Variants in RFTN1 observed in about 807,000 individuals in gnomAD.
RFTN1 encodes the protein raftlin, lipid raft linker 1, also known as raftlin.
In RFTN1, 26 loss-of-function variants were observed where a neutral mutation model predicts 46.5. That is an observed-to-expected ratio of 0.56 (90% CI 0.41 to 0.78). The LOEUF is 0.78. Among genes scored for constraint, RFTN1 ranks in the 30% least tolerant of loss-of-function variants. The pLI is 0.00. For synonymous variants in RFTN1, 261 were observed against 284.2 expected (o/e 0.92, Z 0.82); for missense variants, 693 against 718.7 (o/e 0.96, Z 0.41).
intron 2 of RFTN1, among the ~76,000 whole-genome samples, chr3:16,445,523 C>G (rs1262639409): frequency 2.5e-5 from 2 of 78,776 alleles, no homozygotes; most frequent in African/African-American, 5.2e-5. Flanking sequence ...ACACACACAG[C>G]TCTCTACCAG....
chr3:16,479,618 CT>C lies in RFTN1; in HGVS notation c.145+14106del, dbSNP rs2076333704. On this transcript the variant is annotated intron_variant, in intron 2 of 9. Transcript: ENST00000334133. The surrounding 1 kb of genome is among the most constrained non-coding windows in gnomAD (Gnocchi z 5.1). ...TTCTCACCAAGCAAGCCATGATGGA[CT>C]GAAGACCGGTGAGCCCATGCTCAGG... Among the ~76,000 whole-genome samples, 1 of 152,228 alleles carries C rather than the reference CT, an allele frequency of 6.6e-6. No homozygotes were observed. The highest frequency in any genetic ancestry group is 1.5e-5 in the Non-Finnish European group (1 of 68,032).
rs1354827572 is a variant in RFTN1, at chr3:16,473,546, A to G, written c.145+20179T>C. On this transcript the variant is annotated intron_variant, in intron 2 of 9. Coordinates refer to ENST00000334133, the MANE Select transcript of RFTN1 (RefSeq NM_015150.2). This position sits in a 1 kb window ranked among gnomAD's most constrained non-coding sequence, Gnocchi z 5.3. ...CTCCCAAGGAGCTGGGACTACAGGCATGCACCGCCCTGCCTGGCTAATTTT... is the reference window on the plus strand; with the variant it reads ...CTCCCAAGGAGCTGGGACTACAGGCGTGCACCGCCCTGCCTGGCTAATTTT... 2.6e-5 allele frequency among the ~76,000 whole-genome samples: 4 copies of G among 151,752 alleles called. No homozygotes were observed. Among genetic ancestry groups the G allele is most frequent in the African/African-American group, 9.7e-5 (4 of 41,302 alleles).
At chr3:16,397,375 G>A (rs898196878) in intron 4 of RFTN1, among the ~76,000 whole-genome samples, 3 of 152,178 alleles carry the variant, frequency 2.0e-5, no homozygotes, top group Non-Finnish European at 4.4e-5. Context: ...AGGTCAAAGG[G>A]TACGAAATTG....
At chr3:16,502,319 C>T (rs760242470) in intron 1 of RFTN1, among the ~76,000 whole-genome samples, 1 of 151,712 alleles carries the variant, frequency 6.6e-6, no homozygotes, top group Non-Finnish European at 1.5e-5. Flanking sequence ...CATGATCTCG[C>T]CACTGCATGA....
At chr3:16,439,805 C>A (rs1246601910) in intron 2 of RFTN1, among the ~76,000 whole-genome samples, 1 of 152,152 alleles carries the variant, frequency 6.6e-6, no homozygotes, top group Non-Finnish European at 1.5e-5. Flanking sequence ...GCTAACTGTC[C>A]TCTGGGGGAG....
chr3:16,324,687 T>TG (rs2069514323), intron 8 of RFTN1, among the ~76,000 whole-genome samples: 1 of 118,220 alleles, frequency 8.5e-6, no homozygotes, highest in Admixed American at 8.7e-5. Flanking sequence ...TGTGTGTGTA[T>TG]TTTATATATA....
At chr3:16,423,717 C>T (rs1465665864) in intron 3 of RFTN1, among the ~76,000 whole-genome samples, 3 of 152,122 alleles carry the variant, frequency 2.0e-5, no homozygotes, top group African/African-American at 7.2e-5. Flanking sequence ...CATAAATGTT[C>T]TTTACAAGAA....
At chr3:16,358,183 A>G (rs1249394200) in intron 6 of RFTN1, 136 bp from the exon 7 acceptor site, 1 of 629,650 alleles carries the variant, frequency 1.6e-6, no homozygotes, top group Non-Finnish European at 2.8e-6. Flanking sequence ...TTAATTAAAG[A>G]AGGCACACAC....
Position 16,418,691 on chromosome 3 carries a change from A to T in RFTN1, c.333-9208T>A, listed in dbSNP as rs553543606. ...CAGAACAGCTTATTTTTTTTTTTTT[A>T]AAGAAGTATTAGGGAGAGAAATGAG... is the stretch of plus-strand genomic sequence containing the variant. On this transcript the variant is annotated intron_variant, in intron 3 of 9. Transcript: ENST00000334133. The surrounding 1 kb of genome is among the most constrained non-coding windows in gnomAD (Gnocchi z 5.0). Among the ~76,000 whole-genome samples, 3 of 151,130 alleles carry T rather than the reference A, an allele frequency of 2.0e-5. No individual in the cohort carries two copies. Among genetic ancestry groups the T allele is most frequent in the African/African-American group, 4.8e-5 (2 of 41,240 alleles).
Position 16,422,710 on chromosome 3 carries a change from C to T in RFTN1, c.332+11141G>A, listed in dbSNP as rs1486895185. Among the ~76,000 whole-genome samples the T allele has an allele frequency of 6.6e-6, 1 of 151,118 alleles. No homozygotes were observed. Among genetic ancestry groups the T allele is most frequent in the Non-Finnish European group, 1.5e-5 (1 of 67,870 alleles). ...TCATCAAAATAACATGGTTCTGGCA[C>T]AAAAATCAATAAGTAGATCAAAGAA... On this transcript the variant is annotated intron_variant, in intron 3 of 9. Coordinates refer to ENST00000334133, the MANE Select transcript of RFTN1 (RefSeq NM_015150.2). The surrounding 1 kb of genome is among the most constrained non-coding windows in gnomAD (Gnocchi z 4.6).
intron 8 of RFTN1, among the ~76,000 whole-genome samples, chr3:16,323,973 G>A (rs1236502684): frequency 1.3e-5 from 2 of 152,218 alleles, no homozygotes; most frequent in African/African-American, 4.8e-5. Context: ...GGCAGTGCCT[G>A]TTAACCAGCT....
At chr3:16,432,840 T>C (rs1216004502) in intron 3 of RFTN1, among the ~76,000 whole-genome samples, 1 of 152,186 alleles carries the variant, frequency 6.6e-6, no homozygotes, top group Non-Finnish European at 1.5e-5. Context: ...TGTGTGTTGA[T>C]GTAGAGTAAG....
intron 5 of RFTN1, among the ~76,000 whole-genome samples, chr3:16,371,427 A>G (rs1367252022): frequency 6.6e-6 from 1 of 152,200 alleles, no homozygotes; most frequent in Admixed American, 6.5e-5. Context: ...AGAAAAAGGA[A>G]ACTTTGTTTC....
Position 16,316,792 on chromosome 3 carries a change from G to C in RFTN1, c.*36C>G. ...CTGTTGGTAAGATGCCTTGGGTTTG[G>C]CAACTCACCTAGTTTTAGCACAAAT... On this transcript the variant is annotated 3_prime_UTR_variant, in exon 10 of 10. Transcript: ENST00000334133. The surrounding 1 kb of genome is among the most constrained non-coding windows in gnomAD (Gnocchi z 4.5). 1 of 1,611,956 alleles carries C rather than the reference G, an allele frequency of 6.2e-7. No individual in the cohort carries two copies. The highest frequency in any genetic ancestry group is 8.5e-7 in the Non-Finnish European group (1 of 1,179,302).
At chr3:16,430,057 T>C (rs1188071816) in intron 3 of RFTN1, among the ~76,000 whole-genome samples, 4 of 152,240 alleles carry the variant, frequency 2.6e-5, no homozygotes, top group African/African-American at 9.6e-5. Flanking sequence ...AGTCTTCCTT[T>C]GTTTTGTTTT....
In RFTN1 at chr3:16,413,942, T is replaced by C. The variant is rs890285697; in HGVS notation, c.333-4459A>G. ...TAATGAATGGGATATTATACGGAGCTACCTCTTAACATTGCTGTAAGGATT... is the reference window on the plus strand; with the variant it reads ...TAATGAATGGGATATTATACGGAGCCACCTCTTAACATTGCTGTAAGGATT... On this transcript the variant is annotated intron_variant, in intron 3 of 9. Coordinates refer to ENST00000334133, the MANE Select transcript of RFTN1 (RefSeq NM_015150.2). This position sits in a 1 kb window ranked among gnomAD's most constrained non-coding sequence, Gnocchi z 4.7. 6.6e-6 allele frequency among the ~76,000 whole-genome samples: 1 copy of C among 152,220 alleles called. No homozygotes were observed. Among genetic ancestry groups the C allele is most frequent in the Non-Finnish European group, 1.5e-5 (1 of 68,034 alleles).
rs909825136 is a variant in RFTN1, at chr3:16,480,488, A to C, written c.145+13237T>G. 6.6e-6 allele frequency among the ~76,000 whole-genome samples: 1 copy of C among 152,200 alleles called. No individual in the cohort carries two copies. The highest frequency in any genetic ancestry group is 6.5e-5 in the Admixed American group (1 of 15,282). On this transcript the variant is annotated intron_variant, in intron 2 of 9. Coordinates refer to ENST00000334133, the MANE Select transcript of RFTN1 (RefSeq NM_015150.2). The surrounding 1 kb of genome is among the most constrained non-coding windows in gnomAD (Gnocchi z 4.3). The stretch of plus-strand genomic sequence containing the variant: ...CTCCTTGCCCATGTAATTTTTACTT[A>C]TCAGGAGCCCTGACCTGTAAACAAA...
intron 2 of RFTN1, among the ~76,000 whole-genome samples, chr3:16,485,087 G>T (rs778010951): frequency 5.3e-5 from 8 of 152,182 alleles, no homozygotes; most frequent in Non-Finnish European, 1.0e-4. Flanking sequence ...CATGTATTTA[G>T]CATAAACCCA....
chr3:16,364,593 G>A (rs2073041852), intron 6 of RFTN1, among the ~76,000 whole-genome samples: 1 of 152,156 alleles, frequency 6.6e-6, no homozygotes, highest in African/African-American at 2.4e-5. Context: ...GTCACAATGA[G>A]ATGGGCTTAG....
Sources: allele counts gnomAD v4.1 joint callset (sites outside exome capture counted in the v4.1 genomes callset), GRCh38; gene constraint gnomAD v4.1.1; non-coding constraint Gnocchi (gnomAD v3.1); transcripts MANE v1.5; gene names NCBI Gene and HGNC (gene_info 2026-07-23, HGNC 2026-07-21).